Variants in GPC5 observed in about 807,000 individuals in gnomAD.
The protein encoded by GPC5 is glypican-5.
A neutral mutation model predicts 53.9 loss-of-function variants in GPC5; 47 were observed. That is an observed-to-expected ratio of 0.87 (90% CI 0.69 to 1.11). The LOEUF is 1.11. GPC5 is among the 50% of genes most tolerant of loss of function. The probability of loss-of-function intolerance (pLI) is 0.00; values close to 1 mark genes in which losing one functional copy is unlikely to be tolerated. For synonymous variants in GPC5, 286 were observed against 263.3 expected (o/e 1.09, Z -0.84); for missense variants, 748 against 713.1 (o/e 1.05, Z -0.56).
chr13:92,293,259 A>G (rs1409068208), intron 7 of GPC5, among the ~76,000 whole-genome samples: 2 of 151,806 alleles, frequency 1.3e-5, no homozygotes, highest in Non-Finnish European at 2.9e-5. Flanking sequence ...CTTTGGCAGT[A>G]TGGTCATTTT....
intron 7 of GPC5, among the ~76,000 whole-genome samples, chr13:92,701,877 G>C (rs898259592): frequency 6.6e-6 from 1 of 152,110 alleles, no homozygotes; most frequent in South Asian, 2.1e-4. Flanking sequence ...GAAAATAAAA[G>C]CTAATTCCAG....
chr13:92,709,904 AGTGGATGCCATAG>A (rs1888077460), intron 7 of GPC5, among the ~76,000 whole-genome samples: 1 of 152,190 alleles, frequency 6.6e-6, no homozygotes, highest in Admixed American at 6.5e-5. Context: ...TCTTCTTTTA[AGTGGATGCCATAG>A]CTTAAGTGTA....
intron 3 of GPC5, among the ~76,000 whole-genome samples, chr13:91,695,724 C>G (rs1266813089): frequency 6.6e-6 from 1 of 152,148 alleles, no homozygotes; most frequent in African/African-American, 2.4e-5. Flanking sequence ...AAAGTAAGCA[C>G]AAGAAATCAG....
intron 6 of GPC5, among the ~76,000 whole-genome samples, chr13:92,006,307 A>G (rs2040606363): frequency 6.6e-6 from 1 of 152,190 alleles, no homozygotes; most frequent in Non-Finnish European, 1.5e-5. Context: ...AAATATATGT[A>G]TATTTTGACA....
intron 2 of GPC5, among the ~76,000 whole-genome samples, chr13:91,675,465 A>C (rs2035361018): frequency 6.6e-6 from 1 of 152,202 alleles, no homozygotes; most frequent in South Asian, 2.1e-4. Flanking sequence ...CTTGTATTGC[A>C]TGCCTGGTGC....
At chr13:91,887,929 T>C (rs992685623) in intron 5 of GPC5, among the ~76,000 whole-genome samples, 7 of 152,186 alleles carry the variant, frequency 4.6e-5, no homozygotes, top group South Asian at 2.1e-4. Context: ...CCCTCCAAAC[T>C]GTTACAACCT....
At chr13:92,792,459 G>A (rs560428227) in intron 7 of GPC5, among the ~76,000 whole-genome samples, 1 of 152,164 alleles carries the variant, frequency 6.6e-6, no homozygotes, top group East Asian at 1.9e-4. Flanking sequence ...AAAGACCATC[G>A]ATGCTACAAA....
At chr13:92,544,059 T>A (rs1262150870) in intron 7 of GPC5, among the ~76,000 whole-genome samples, 1 of 152,122 alleles carries the variant, frequency 6.6e-6, no homozygotes, top group Non-Finnish European at 1.5e-5. Context: ...GAATGTATAT[T>A]AAGTAACTGA....
intron 6 of GPC5, among the ~76,000 whole-genome samples, chr13:92,129,694 G>A (rs577067104): frequency 9.8e-5 from 15 of 152,316 alleles, no homozygotes; most frequent in African/African-American, 3.4e-4. Context: ...TTGAACTTAT[G>A]TCACTGAATA....
chr13:92,375,724 C>G (rs1215883306), intron 7 of GPC5, among the ~76,000 whole-genome samples: 1 of 152,190 alleles, frequency 6.6e-6, no homozygotes, highest in East Asian at 1.9e-4. Context: ...CAGGCTGAAG[C>G]TGTTGTTCAT....
At chr13:92,852,706 G>A (rs1878856613) in intron 7 of GPC5, among the ~76,000 whole-genome samples, 1 of 152,162 alleles carries the variant, frequency 6.6e-6, no homozygotes, top group South Asian at 2.1e-4. Context: ...AAAGCACTGG[G>A]ATTACAGGCA....
chr13:91,948,403 A>C (rs946635603), intron 6 of GPC5, among the ~76,000 whole-genome samples: 6 of 152,104 alleles, frequency 3.9e-5, no homozygotes, highest in African/African-American at 1.4e-4. Flanking sequence ...CATTCATTCA[A>C]TTAATATTCA....
chr13:92,752,121 A>T (rs1889420011), intron 7 of GPC5, among the ~76,000 whole-genome samples: 1 of 151,524 alleles, frequency 6.6e-6, no homozygotes, highest in South Asian at 2.1e-4. Flanking sequence ...TGGCATTACC[A>T]TACTGACATT....
chr13:92,023,159 C>T (rs1594729005), intron 6 of GPC5, among the ~76,000 whole-genome samples: 2 of 152,172 alleles, frequency 1.3e-5, no homozygotes, highest in Non-Finnish European at 1.5e-5. Context: ...TGTGTCTGCA[C>T]ATTACATGGA....
intron 2 of GPC5, among the ~76,000 whole-genome samples, chr13:91,564,997 G>GGGGC (rs10681511): frequency 0.4 from 59,570 of 149,546 alleles, 13,855 homozygotes; most frequent in African/African-American, 0.66. Context: ...TTTTTTTGGG[G>GGGGC]GGGGGTCGGT....
chr13:92,276,395 T>C (rs1379979855), intron 7 of GPC5, among the ~76,000 whole-genome samples: 2 of 152,132 alleles, frequency 1.3e-5, no homozygotes, highest in Non-Finnish European at 2.9e-5. Flanking sequence ...CTTCATAGAC[T>C]ATCTCAGTTT....
At chr13:92,550,567 T>C (rs1242398736) in intron 7 of GPC5, among the ~76,000 whole-genome samples, 1 of 151,786 alleles carries the variant, frequency 6.6e-6, no homozygotes, top group Non-Finnish European at 1.5e-5. Context: ...TCAAGTAACA[T>C]ATTCCAACGG....
intron 2 of GPC5, among the ~76,000 whole-genome samples, chr13:91,497,379 C>T (rs894580231): frequency 1.3e-5 from 2 of 152,016 alleles, no homozygotes; most frequent in Non-Finnish European, 2.9e-5. Flanking sequence ...GGACTAGCAA[C>T]TTTGTTAATT....
At chr13:91,399,755 C>T (rs1365774991) in intron 1 of GPC5, among the ~76,000 whole-genome samples, 1 of 152,186 alleles carries the variant, frequency 6.6e-6, no homozygotes, top group Non-Finnish European at 1.5e-5. Context: ...TGACCCTTAG[C>T]TGCCCTTCTG....
Sources: gnomAD v4.1 joint callset for allele counts (sites outside exome capture counted in the v4.1 genomes callset) on GRCh38, gnomAD v4.1.1 for gene constraint, MANE v1.5 for transcripts, NCBI Gene and HGNC (gene_info 2026-07-23, HGNC 2026-07-21) for gene names.